Variants in ZNF343 observed in about 807,000 individuals in gnomAD.
ZNF343 encodes zinc finger protein 343.
A neutral mutation model predicts 13.8 loss-of-function variants in ZNF343; 11 were observed. The ratio of observed to expected loss-of-function variants is 0.80; its 90% CI spans 0.50 to 1.32. ZNF343 has a LOEUF of 1.32. ZNF343 is among the 40% of genes most tolerant of loss of function. The pLI, the probability that ZNF343 is intolerant of heterozygous loss-of-function variation, is 0.00. For synonymous variants in ZNF343, 248 were observed against 260.0 expected, an observed-to-expected ratio of 0.95 and a Z score of 0.44; for missense variants, 658 against 714.2, an observed-to-expected ratio of 0.92 and a Z score of 0.90.
In ZNF343 at chr20:2,484,772, T is replaced by C. The variant is rs2085257035; in HGVS notation, c.305-116A>G. 27 of 915,610 alleles carry C rather than the reference T, an allele frequency of 2.9e-5. 1 individual carries two copies. The South Asian group carries it at 5.1e-4, about 17-fold the overall frequency. The allele number at this position is 915,610 out of a possible 1,614,324, so 56.7% of individuals were successfully genotyped here. On this transcript the variant is annotated intron_variant, in intron 5 of 5. Transcript: ENST00000278772. ...ATGCCTATAATTGATAATATAAGTA[T>C]AACACAATTTGCTTCTGAACAATGA... is the stretch of plus-strand genomic sequence containing the variant.
intron 4 of ZNF343, 146 bp downstream of exon 4, chr20:2,493,372 GA>G: frequency 1.3e-6 from 1 of 762,660 alleles, no homozygotes; most frequent in Non-Finnish European, 2.2e-6. Context: ...TATGTGCTTT[GA>G]CAACTTTTTT....
rs1237526591 is a variant in ZNF343, at chr20:2,508,282, A to G, written c.-237+599T>C. 1.3e-5 allele frequency among the ~76,000 whole-genome samples: 2 copies of G among 150,964 alleles called. No homozygotes were observed. The highest frequency in any genetic ancestry group is 3.0e-5 in the Non-Finnish European group (2 of 67,790). The stretch of plus-strand genomic sequence containing the variant: ...CACGTCAAGCTCACCTCCACTTCCA[A>G]CCCCCCAACCCCTAATAAACCAAGG... On this transcript the variant is annotated intron_variant, in intron 1 of 5. Transcript: ENST00000278772. The surrounding 1 kb of genome is among the most constrained non-coding windows in gnomAD (Gnocchi z 4.5).
chr20:2,504,127 A>G (rs1224466123), intron 1 of ZNF343, among the ~76,000 whole-genome samples: 1 of 152,186 alleles, frequency 6.6e-6, no homozygotes, highest in African/African-American at 2.4e-5. Context: ...GATAAAGGGG[A>G]TATCACCACT....
upstream of ZNF343, chr20:2,509,263 G>A (rs1344321371): frequency 6.6e-6 from 1 of 152,236 alleles, no homozygotes; most frequent in African/African-American, 2.4e-5. Context: ...TGGGTACAGA[G>A]TTTACTGCAC....
At position 2,492,804 on chromosome 20, in the gene ZNF343, C is replaced by T; in HGVS notation, c.199G>A (p.Val67Met). 2 of 1,613,708 alleles carry T rather than the reference C, an allele frequency of 1.2e-6. No individual in the cohort carries two copies. Among genetic ancestry groups the T allele is most frequent in the South Asian group, 2.2e-5 (2 of 91,068 alleles). ...QIVVPVTFRD[V>M]TVIFTEAEWK... ...TCTGCTTCTGTGAAGATCACAGTCACATCCCTGAATGTAACTGGTACCTAC... is the reference window on the plus strand; with the variant it reads ...TCTGCTTCTGTGAAGATCACAGTCATATCCCTGAATGTAACTGGTACCTAC... Residue 67 changes from valine (V) to methionine (M), a missense_variant, in exon 5 of 6, where the codon GTG becomes ATG. Physicochemically the swap from Val to Met is conservative, Grantham distance 21. Coordinates refer to ENST00000278772, the MANE Select transcript of ZNF343 (RefSeq NM_024325.6).
In ZNF343 at chr20:2,518,957, C is replaced by CT. The variant is rs1212413303; in HGVS notation, c.-347+5497_-347+5498insA. On this transcript the variant is annotated intron_variant, in intron 1 of 6. Transcript: ENST00000358413. This position sits in a 1 kb window ranked among gnomAD's most constrained non-coding sequence, Gnocchi z 4.6. ...TTAAAAGTGTTTGGCAGTTCCCTGC[C>CT]CCCCTCTCTCTTTCCTGCCATCGTG... Among the ~76,000 whole-genome samples, 3 of 152,114 alleles carry CT rather than the reference C, an allele frequency of 2.0e-5. No homozygotes were observed. The highest frequency in any genetic ancestry group is 4.4e-5 in the Non-Finnish European group (3 of 68,026).
intron 2 of ZNF343, among the ~76,000 whole-genome samples, chr20:2,499,625 G>C: frequency 6.6e-6 from 1 of 152,114 alleles, no homozygotes. Flanking sequence ...GCACAACAGT[G>C]AGATGAGGGG....
chr20:2,495,581 T>C (rs1257757033), intron 2 of ZNF343: 2 of 152,246 alleles, frequency 1.3e-5, no homozygotes, highest in Non-Finnish European at 2.9e-5. Context: ...CAGTATAACG[T>C]AGCTGAAGCT....
At chr20:2,512,811 C>T (rs1240424096), upstream of ZNF343, among the ~76,000 whole-genome samples, 1 of 151,620 alleles carries the variant, frequency 6.6e-6, no homozygotes, top group Non-Finnish European at 1.5e-5. Flanking sequence ...TTGGGCCAGT[C>T]GCAGTGGCTC....
chr20:2,487,733 A>G (rs549085515), intron 5 of ZNF343, among the ~76,000 whole-genome samples: 1 of 152,364 alleles, frequency 6.6e-6, no homozygotes, highest in South Asian at 2.1e-4. Context: ...GTTTCGTTAC[A>G]TGTTGCCAAA....
rs139748668 is a variant in ZNF343 at position 2,492,420 on chromosome 20, C to G, written c.304+279G>C. ...CAGTTTTAAACTTCAGCCAGCCACCCTATCACACCCAATACCCCTTTATCC... is the reference window on the plus strand; with the variant it reads ...CAGTTTTAAACTTCAGCCAGCCACCGTATCACACCCAATACCCCTTTATCC... On this transcript the variant is annotated intron_variant, in intron 5 of 5. Coordinates refer to ENST00000278772, the MANE Select transcript of ZNF343 (RefSeq NM_024325.6). 2.0e-5 allele frequency among the ~76,000 whole-genome samples: 3 copies of G among 152,328 alleles called. No individual in the cohort carries two copies. The East Asian group carries it at 5.8e-4, about 29-fold the overall frequency.
chr20:2,490,057 G>A (rs1002575388), intron 5 of ZNF343, among the ~76,000 whole-genome samples: 1 of 152,004 alleles, frequency 6.6e-6, no homozygotes, highest in African/African-American at 2.4e-5. Context: ...AGCGAACAAA[G>A]GGGAAAATGG....
intron 1 of ZNF343, among the ~76,000 whole-genome samples, chr20:2,522,876 G>A (rs1420566969): frequency 1.3e-5 from 2 of 152,170 alleles, no homozygotes; most frequent in Non-Finnish European, 2.9e-5. Flanking sequence ...GCTTGAGCCT[G>A]GGAGGCAGAG....
chr20:2,505,446 T>C (rs2085639496), intron 1 of ZNF343, among the ~76,000 whole-genome samples: 1 of 152,150 alleles, frequency 6.6e-6, no homozygotes, highest in South Asian at 2.1e-4. Context: ...TGGAAAAAAC[T>C]ACTTCAAAGT....
rs73085358 is a variant in ZNF343 at position 2,507,586 on chromosome 20, G to C, written c.-237+1295C>G. 8.3e-3 allele frequency among the ~76,000 whole-genome samples: 1,258 copies of C among 152,314 alleles called. 6 individuals carry two copies. Among genetic ancestry groups the C allele is most frequent in the African/African-American group, 0.015 (607 of 41,564 alleles). On this transcript the variant is annotated intron_variant, in intron 1 of 5. Coordinates refer to ENST00000278772, the MANE Select transcript of ZNF343 (RefSeq NM_024325.6). ...TTCCTCAAATTGACAATGCTAGAAA[G>C]TGCCTAGATTTGAAGTCTAGCTGTG...
At chr20:2,510,787 C>G (rs2085734794), upstream of ZNF343, among the ~76,000 whole-genome samples, 2 of 152,110 alleles carry the variant, frequency 1.3e-5, no homozygotes, top group Admixed American at 1.3e-4. Flanking sequence ...GTGCTGCAGC[C>G]AAGAAGATGG....
chr20:2,505,912 CA>C (rs1281318416), intron 1 of ZNF343, among the ~76,000 whole-genome samples: 1 of 152,160 alleles, frequency 6.6e-6, no homozygotes, highest in African/African-American at 2.4e-5. Flanking sequence ...ACACCAAAAG[CA>C]ATGGCAACAA....
chr20:2,510,290 G>A (rs1017929248), upstream of ZNF343, among the ~76,000 whole-genome samples: 3 of 152,132 alleles, frequency 2.0e-5, no homozygotes, highest in African/African-American at 7.2e-5. Context: ...TGCCCAACTA[G>A]ATAAAAAGTA....
At chr20:2,517,354 A>G (rs1379984964) in intron 1 of ZNF343, among the ~76,000 whole-genome samples, 1 of 123,606 alleles carries the variant, frequency 8.1e-6, no homozygotes, top group East Asian at 2.5e-4. Flanking sequence ...CATTCAGCCA[A>G]TGTATATGTG....
Sources: gnomAD v4.1 joint callset for allele counts (sites outside exome capture counted in the v4.1 genomes callset) on GRCh38, gnomAD v4.1.1 for gene constraint, Gnocchi (gnomAD v3.1) non-coding constraint, MANE v1.5 for transcripts, NCBI Gene and HGNC (gene_info 2026-07-23, HGNC 2026-07-21) for gene names.